DYNC2LI1: variants seen among roughly 807,000 people sequenced by gnomAD.
DYNC2LI1 encodes the protein cytoplasmic dynein 2 light intermediate chain 1.
Under a neutral mutation model 51.9 loss-of-function variants are expected in DYNC2LI1, and 45 were observed. The ratio of observed to expected loss-of-function variants is 0.87; its 90% CI spans 0.68 to 1.11. The LOEUF (loss-of-function observed/expected upper bound fraction) is 1.11, where lower values mean the gene tolerates loss of function less well. Among genes scored for constraint, DYNC2LI1 ranks in the 50% most tolerant of loss-of-function variants. The pLI is 0.00. For missense variants in DYNC2LI1, 490 were observed against 417.4 expected, an observed-to-expected ratio of 1.17 and a Z score of -1.51; for synonymous variants, 130 against 137.8, an observed-to-expected ratio of 0.94 and a Z score of 0.40.
chr2:43,794,897 G>A lies in DYNC2LI1; in HGVS notation c.507+254G>A, dbSNP rs555816403. On this transcript the variant is annotated intron_variant, in intron 6 of 12. Coordinates refer to ENST00000260605, the MANE Select transcript of DYNC2LI1 (RefSeq NM_016008.4). ...ATATTACACCAATCAGAGAAATAGAGTTTTAAAGTAGTGGTTTGATATTGA... is the reference window on the plus strand; with the variant it reads ...ATATTACACCAATCAGAGAAATAGAATTTTAAAGTAGTGGTTTGATATTGA... 7.1e-5 allele frequency: 97 copies of A among 1,375,292 alleles called. No individual in the cohort carries two copies. The African/African-American group carries it at 1.4e-3, about 19-fold the overall frequency. The allele number at this position is 1,375,292 out of a possible 1,614,324, so 85.2% of individuals were successfully genotyped here.
chr2:43,808,664 G>A (rs1316023649), intron 12 of DYNC2LI1, among the ~76,000 whole-genome samples: 1 of 152,160 alleles, frequency 6.6e-6, no homozygotes, highest in African/African-American at 2.4e-5. Context: ...AAAAATTCAA[G>A]AGCTATAGAT....
At chr2:43,799,380 A>G (rs550214019) in intron 8 of DYNC2LI1, among the ~76,000 whole-genome samples, 1 of 152,348 alleles carries the variant, frequency 6.6e-6, no homozygotes, top group Non-Finnish European at 1.5e-5. Flanking sequence ...GAGAAGAGCC[A>G]TGAGGATGGC....
intron 2 of DYNC2LI1, among the ~76,000 whole-genome samples, chr2:43,777,755 A>G (rs139644717): frequency 6.7e-4 from 102 of 152,350 alleles, no homozygotes; most frequent in African/African-American, 2.3e-3. Context: ...TTGTCTCCAG[A>G]TGAGTCCCAG....
chr2:43,824,073 C>T, the DYNC2LI1 span: 23 of 1,614,188 alleles, frequency 1.4e-5, no homozygotes, highest in African/African-American at 2.1e-4. Flanking sequence ...GAAGGAGACG[C>T]GTAATCACTG....
At chr2:43,805,014 A>G (rs1038683007) in intron 11 of DYNC2LI1, 140 bp from the exon 12 acceptor site, 15 of 580,766 alleles carry the variant, frequency 2.6e-5, no homozygotes, top group Admixed American at 1.0e-4. Context: ...AGTGGGCCTC[A>G]GTGGTGATGA....
At chr2:43,800,010 T>A (rs777735877) in intron 8 of DYNC2LI1, among the ~76,000 whole-genome samples, 1 of 152,212 alleles carries the variant, frequency 6.6e-6, no homozygotes, top group Non-Finnish European at 1.5e-5. Flanking sequence ...GAATTACCAT[T>A]GGAACCATAA....
downstream of DYNC2LI1, chr2:43,810,580 A>G: frequency 1.1e-6 from 1 of 923,284 alleles, no homozygotes; most frequent in South Asian, 5.0e-5. Context: ...CCATGTCCAC[A>G]TACAAAATAT....
At chr2:43,798,173 A>G (rs1462269149) in intron 8 of DYNC2LI1, among the ~76,000 whole-genome samples, 1 of 152,024 alleles carries the variant, frequency 6.6e-6, no homozygotes, top group East Asian at 1.9e-4. Flanking sequence ...TTTTCCTCCA[A>G]ATTAAAGCAC....
chr2:43,825,232 G>A, the DYNC2LI1 span, among the ~76,000 whole-genome samples: 1 of 152,126 alleles, frequency 6.6e-6, no homozygotes, highest in Non-Finnish European at 1.5e-5. Flanking sequence ...CCCTACCCTT[G>A]TGAGCCTAGG....
intron 4 of DYNC2LI1, among the ~76,000 whole-genome samples, chr2:43,787,466 T>A (rs1673579747): frequency 6.6e-6 from 1 of 152,222 alleles, no homozygotes; most frequent in Non-Finnish European, 1.5e-5. Flanking sequence ...TGTCTTAAAA[T>A]GCTAGAATAA....
intron 1 of DYNC2LI1, among the ~76,000 whole-genome samples, chr2:43,774,482 C>T (rs1224367777): frequency 1.3e-5 from 2 of 152,170 alleles, no homozygotes; most frequent in African/African-American, 4.8e-5. Flanking sequence ...TCCCCAGGGG[C>T]CTCCCCTCCT....
downstream of DYNC2LI1, chr2:43,814,495 C>T (rs144973796): frequency 2.7e-4 from 433 of 1,605,208 alleles, 5 homozygotes; most frequent in African/African-American, 4.7e-3. Flanking sequence ...AAATTCAGTC[C>T]GTAGAACTCA....
downstream of DYNC2LI1, chr2:43,810,455 AG>A: frequency 1.0e-6 from 1 of 985,422 alleles, no homozygotes. Context: ...ATTATTTCCA[AG>A]GTGGGATAGC....
At chr2:43,823,597 T>C in the DYNC2LI1 span, among the ~76,000 whole-genome samples, 1 of 152,142 alleles carries the variant, frequency 6.6e-6, no homozygotes, top group East Asian at 1.9e-4. Flanking sequence ...GAGCACCCCA[T>C]GGGCTGTGCA....
chr2:43,826,336 A>T, the DYNC2LI1 span: 1 of 1,612,720 alleles, frequency 6.2e-7, no homozygotes, highest in Non-Finnish European at 8.5e-7. Context: ...TGTGATTCCC[A>T]GCTCAACACA....
rs114099698 is a variant in DYNC2LI1, at chr2:43,801,600, T to C, written c.732-39T>C. 2,758 of 1,511,106 alleles carry C rather than the reference T, an allele frequency of 1.8e-3. 45 individuals carry two copies. The African/African-American group carries it at 0.034, about 18-fold the overall frequency. 93.6% of individuals were successfully genotyped at this position (1,511,106 alleles called of 1,614,324 possible). A position where few individuals can be genotyped will look rare whatever the true frequency, so the allele number is the denominator to read the frequency against. On this transcript the variant is annotated intron_variant, in intron 9 of 12. Transcript: ENST00000260605. The stretch of plus-strand genomic sequence containing the variant: ...CAGGAGAGCGTGGCAGCAAATCTAA[T>C]TGCTAAACTAATTTAGAATCTTTCT...
intron 11 of DYNC2LI1, 150 bp downstream of exon 11, chr2:43,804,889 T>C: frequency 1.8e-6 from 1 of 562,106 alleles, no homozygotes; most frequent in Non-Finnish European, 3.0e-6. Context: ...AAATAGGCAC[T>C]GTGGGGGTTA....
chr2:43,795,067 T>C, intron 6 of DYNC2LI1: 1 of 1,024,054 alleles, frequency 9.8e-7, no homozygotes, highest in Non-Finnish European at 1.2e-6. Context: ...TCATTTCGTT[T>C]CTGTCACTTA....
Position 43,794,549 on chromosome 2 carries a change from T to A in DYNC2LI1, c.413T>A (p.Val138Glu). The change falls in exon 6 of 13, where the codon GTA becomes GAA. Residue 138 changes from valine (V) to glutamate (E), a missense_variant. Transcript: ENST00000260605. ...CTCTTGCAAGCCACAAAAAGCCATG[T>A]AGACAAAGTGATAATGAAACTGGGA... ...ENLLQATKSH[V>E]DKVIMKLGKT... 6.2e-7 allele frequency: 1 copy of A among 1,614,116 alleles called. No individual in the cohort carries two copies. Among genetic ancestry groups the A allele is most frequent in the Non-Finnish European group, 8.5e-7 (1 of 1,180,004 alleles).
Sources: allele counts gnomAD v4.1 joint callset (sites outside exome capture counted in the v4.1 genomes callset), GRCh38; gene constraint gnomAD v4.1.1; transcripts MANE v1.5; gene names NCBI Gene and HGNC (gene_info 2026-07-23, HGNC 2026-07-21).